Variants in DNAJB14 observed in about 807,000 individuals in gnomAD.
DNAJB14 encodes the protein DnaJ heat shock protein family (Hsp40) member B14.
Under a neutral mutation model 48.4 loss-of-function variants are expected in DNAJB14, and 22 were observed. The ratio of observed to expected loss-of-function variants is 0.45; its 90% CI spans 0.32 to 0.65. The LOEUF is 0.65. Among genes scored for constraint, DNAJB14 ranks in the 30% least tolerant of loss-of-function variants. The pLI is 0.03. For synonymous variants in DNAJB14, 142 were observed against 158.7 expected (o/e 0.89, Z 0.79); for missense variants, 319 against 458.8 (o/e 0.70, Z 2.78).
intron 3 of DNAJB14, among the ~76,000 whole-genome samples, chr4:99,921,717 A>G (rs1177158826): frequency 6.6e-6 from 1 of 152,190 alleles, no homozygotes; most frequent in Non-Finnish European, 1.5e-5. Context: ...AGCTATTTAA[A>G]GATTTCAGTT....
chr4:99,904,527 G>C (rs1378508843), intron 6 of DNAJB14, among the ~76,000 whole-genome samples: 1 of 152,030 alleles, frequency 6.6e-6, no homozygotes, highest in Non-Finnish European at 1.5e-5. Flanking sequence ...TTCATTTTTA[G>C]ACTTGGGTAC....
intron 1 of DNAJB14, among the ~76,000 whole-genome samples, chr4:99,934,077 C>CA (rs1227815628): frequency 6.6e-6 from 1 of 151,980 alleles, no homozygotes; most frequent in African/African-American, 2.4e-5. Flanking sequence ...AATAATCAAT[C>CA]AAAGCTCTCT....
At chr4:99,939,980 T>C (rs1473038886) in intron 1 of DNAJB14, among the ~76,000 whole-genome samples, 1 of 152,218 alleles carries the variant, frequency 6.6e-6, no homozygotes, top group Non-Finnish European at 1.5e-5. Flanking sequence ...TCCAATCTTA[T>C]TTTATGCATT....
intron 3 of DNAJB14, among the ~76,000 whole-genome samples, chr4:99,917,120 GACT>G (rs1271136337): frequency 6.6e-6 from 1 of 152,310 alleles, no homozygotes; most frequent in East Asian, 1.9e-4. Flanking sequence ...GGGTGACAGA[GACT>G]ACGTCTCAAA....
In DNAJB14 at chr4:99,930,617, T is replaced by C. The variant is rs779203083; in HGVS notation, c.138A>G (p.Leu46=). 2 of 1,609,014 alleles carry C rather than the reference T, an allele frequency of 1.2e-6. No individual in the cohort carries two copies. The highest frequency in any genetic ancestry group is 1.1e-5 in the South Asian group (1 of 89,920). Residue 46 remains leucine, a synonymous_variant, in exon 2 of 8, where the codon CTA becomes CTG. Transcript: ENST00000442697. ...TTCCATTTTTCATAATTATTTCCAA[T>C]AGTGCTGTAGAAAGATAAAGTACAC... ...KLYPLPSARA[L]LEIIMKNGST... is the part of the protein sequence containing the mutation.
chr4:99,913,400 G>A (rs940316746), intron 3 of DNAJB14, among the ~76,000 whole-genome samples: 2 of 152,070 alleles, frequency 1.3e-5, no homozygotes, highest in African/African-American at 2.4e-5. Context: ...GTGGTGAAAT[G>A]TATCAAATGC....
chr4:99,912,632 A>C (rs1043157678), intron 3 of DNAJB14, among the ~76,000 whole-genome samples: 1 of 152,176 alleles, frequency 6.6e-6, no homozygotes, highest in Non-Finnish European at 1.5e-5. Flanking sequence ...GGCATGCGCC[A>C]CCACGCCTCG....
chr4:99,941,408 A>G (rs1197967859), intron 1 of DNAJB14, among the ~76,000 whole-genome samples: 1 of 152,212 alleles, frequency 6.6e-6, no homozygotes, highest in Admixed American at 6.5e-5. Flanking sequence ...ACATACTATC[A>G]ACTCCAAGGT....
intron 1 of DNAJB14, among the ~76,000 whole-genome samples, chr4:99,944,079 A>G (rs1009985982): frequency 6.6e-6 from 1 of 152,180 alleles, no homozygotes; most frequent in Admixed American, 6.5e-5. Context: ...TGGGCAAAGG[A>G]CTTGAACAGA....
intron 3 of DNAJB14, among the ~76,000 whole-genome samples, chr4:99,911,555 G>A (rs989044133): frequency 1.5e-5 from 2 of 133,108 alleles, no homozygotes; most frequent in African/African-American, 6.6e-5. Flanking sequence ...ATTTGGTATT[G>A]TCATTATTTT....
At chr4:99,908,598 G>T (rs749141475) in intron 4 of DNAJB14, 113 bp downstream of exon 4, 3 of 797,742 alleles carry the variant, frequency 3.8e-6, no homozygotes, top group Non-Finnish European at 3.6e-6. Context: ...TTACAGGATC[G>T]TAACACTACA....
chr4:99,934,789 C>CAAAAAAAAAAAAAAAAAA (rs1167945149), intron 1 of DNAJB14, among the ~76,000 whole-genome samples: 1 of 6,776 alleles, frequency 1.5e-4, no homozygotes. Context: ...AAGACTGTCT[C>CAAAAAAAAAAAAAAAAAA]AAAAAAAAAA....
chr4:99,927,777 G>A (rs754509262), intron 2 of DNAJB14: 5 of 152,264 alleles, frequency 3.3e-5, no homozygotes, highest in Admixed American at 6.5e-5. Flanking sequence ...TTGTCACTGA[G>A]CAACTTGTTT....
intron 4 of DNAJB14, 95 bp downstream of exon 4, chr4:99,908,616 T>C (rs1026773796): frequency 3.3e-5 from 31 of 950,272 alleles, no homozygotes; most frequent in Middle Eastern, 5.3e-4. Context: ...ACAAGAAATG[T>C]AGGGGAAAAG....
Position 99,896,680 on chromosome 4 carries a change from T to C in DNAJB14, c.*4348A>G, listed in dbSNP as rs796246357. The C allele has an allele frequency of 6.6e-6, 1 of 152,318 alleles. No homozygotes were observed. Among genetic ancestry groups the C allele is most frequent in the African/African-American group, 2.4e-5 (1 of 41,584 alleles). 9.4% of individuals were successfully genotyped at this position (152,318 alleles called of 1,614,324 possible). Reference sequence around the variant, plus strand: ...TATCATTTATGTGTGTTTCTTCTCATTGGTTTAATCATCCTATTAAAAATA... The same window carrying C: ...TATCATTTATGTGTGTTTCTTCTCACTGGTTTAATCATCCTATTAAAAATA... On this transcript the variant is annotated 3_prime_UTR_variant, in exon 8 of 8. Transcript: ENST00000442697.
At chr4:99,932,341 C>A (rs1431665014) in intron 1 of DNAJB14, among the ~76,000 whole-genome samples, 5 of 151,674 alleles carry the variant, frequency 3.3e-5, no homozygotes, top group Admixed American at 2.0e-4. Flanking sequence ...GTTAAAAAAA[C>A]GGGTGAAGGA....
chr4:99,918,388 T>C (rs1160402365), intron 3 of DNAJB14, among the ~76,000 whole-genome samples: 2 of 152,260 alleles, frequency 1.3e-5, no homozygotes, highest in South Asian at 2.1e-4. Context: ...TAGTTGCTCA[T>C]TGAAACATTT....
intron 3 of DNAJB14, among the ~76,000 whole-genome samples, chr4:99,919,752 G>GT (rs1485426544): frequency 6.6e-6 from 1 of 152,030 alleles, no homozygotes; most frequent in East Asian, 1.9e-4. Context: ...GGGGTTTTCA[G>GT]TTGTACTCAT....
chr4:99,910,539 C>G (rs1368700923), intron 3 of DNAJB14, among the ~76,000 whole-genome samples: 1 of 151,700 alleles, frequency 6.6e-6, no homozygotes, highest in South Asian at 2.1e-4. Flanking sequence ...TATAGGCAAC[C>G]CAATTCTATT....
Sources: allele counts gnomAD v4.1 joint callset (sites outside exome capture counted in the v4.1 genomes callset), GRCh38; gene constraint gnomAD v4.1.1; transcripts MANE v1.5; gene names NCBI Gene and HGNC (gene_info 2026-07-23, HGNC 2026-07-21).